Variants in PLCL2 observed in about 807,000 individuals in gnomAD.
PLCL2 encodes inactive phospholipase C-like protein 2.
PLCL2 carries 4 observed loss-of-function variants against 79.6 expected under a neutral mutation model. That is an observed-to-expected ratio of 0.05 (90% CI 0.02 to 0.11). The LOEUF (loss-of-function observed/expected upper bound fraction) is 0.11. Among genes scored for constraint, PLCL2 ranks in the 10% least tolerant of loss-of-function variants. PLCL2 has a pLI of 1.00. For missense variants in PLCL2, 895 were observed against 1,291.0 expected (o/e 0.69, Z 4.70); for synonymous variants, 484 against 457.7 (o/e 1.06, Z -0.73).
intron 1 of PLCL2, among the ~76,000 whole-genome samples, chr3:16,917,235 G>A (rs770753489): frequency 1.1e-4 from 17 of 152,102 alleles, no homozygotes; most frequent in Non-Finnish European, 2.2e-4. Context: ...TGGGCTATCT[G>A]GTTACCTAAC....
intron 1 of PLCL2, among the ~76,000 whole-genome samples, chr3:16,963,584 A>G (rs1051332285): frequency 2.0e-5 from 3 of 152,164 alleles, no homozygotes; most frequent in African/African-American, 7.2e-5. Context: ...TCATTTTCTC[A>G]TCCTTGTGAC....
intron 1 of PLCL2, among the ~76,000 whole-genome samples, chr3:16,910,989 C>T (rs749281057): frequency 6.6e-6 from 1 of 152,124 alleles, no homozygotes; most frequent in Non-Finnish European, 1.5e-5. Context: ...CACGGTGGCT[C>T]ACCCTGTAAT....
At chr3:17,076,234 T>C (rs980890778) in intron 5 of PLCL2, among the ~76,000 whole-genome samples, 7 of 152,142 alleles carry the variant, frequency 4.6e-5, no homozygotes, top group Non-Finnish European at 8.8e-5. Flanking sequence ...CATCTTTGTG[T>C]GTACGTGAGT....
At chr3:16,998,077 C>T (rs2064172013) in intron 1 of PLCL2, among the ~76,000 whole-genome samples, 1 of 152,014 alleles carries the variant, frequency 6.6e-6, no homozygotes, top group South Asian at 2.1e-4. Context: ...ATAGCTTTGC[C>T]CCTGCATGCT....
At chr3:17,050,922 A>G (rs76077952) in intron 4 of PLCL2, among the ~76,000 whole-genome samples, 2,237 of 152,334 alleles carry the variant, frequency 0.015, 71 homozygotes, top group African/African-American at 0.051. Flanking sequence ...TTGAATGGAT[A>G]TTGTGTGTGA....
rs17853613 is a variant in PLCL2, at chr3:17,012,015, A to G, written c.2669A>G (p.His890Arg). 5.0e-6 allele frequency: 8 copies of G among 1,614,220 alleles called. No individual in the cohort carries two copies. Among genetic ancestry groups the G allele is most frequent in the Non-Finnish European group, 6.8e-6 (8 of 1,180,018 alleles). ...ITNRRGGGKP[H>R]KRGLSVRKGK... ...AACCGAAGAGGAGGAGGAAAGCCTC[A>G]TAAAAGGGGCCTTTCTGTGAGAAAA... Residue 890 changes from histidine to arginine, a missense_variant, in exon 2 of 6, where the codon CAT (histidine) becomes CGT (arginine). Transcript: ENST00000615277.
At chr3:16,893,752 A>AT (rs1451952348) in intron 1 of PLCL2, among the ~76,000 whole-genome samples, 1 of 152,156 alleles carries the variant, frequency 6.6e-6, no homozygotes, top group Admixed American at 6.5e-5. Flanking sequence ...AAAAATAGCT[A>AT]TTTTTTGTGA....
At chr3:16,982,470 G>A (rs144325077) in intron 1 of PLCL2, among the ~76,000 whole-genome samples, 1,658 of 152,266 alleles carry the variant, frequency 0.011, 30 homozygotes, top group Admixed American at 0.046. Context: ...ATCAAATCCC[G>A]TTAATACAGC....
intron 1 of PLCL2, among the ~76,000 whole-genome samples, chr3:16,926,235 A>G (rs1407255942): frequency 2.2e-4 from 34 of 152,246 alleles, no homozygotes; most frequent in Admixed American, 2.2e-3. Flanking sequence ...CTCTCAAACA[A>G]ACAAAAAAAG....
chr3:16,899,714 G>A (rs1337337825), intron 1 of PLCL2, among the ~76,000 whole-genome samples: 2 of 152,048 alleles, frequency 1.3e-5, no homozygotes, highest in African/African-American at 4.8e-5. Context: ...ATCTTGGGAA[G>A]AGCTCTTGGT....
At chr3:17,084,423 A>T (rs2065195086) in intron 5 of PLCL2, among the ~76,000 whole-genome samples, 1 of 152,192 alleles carries the variant, frequency 6.6e-6, no homozygotes, top group African/African-American at 2.4e-5. Context: ...ATACTTCCTA[A>T]CTCATTCTAC....
chr3:17,087,644 G>A (rs2065234085), intron 5 of PLCL2, among the ~76,000 whole-genome samples: 1 of 152,118 alleles, frequency 6.6e-6, no homozygotes, highest in Non-Finnish European at 1.5e-5. Context: ...CCCTAATTTA[G>A]GCAATAGACT....
At chr3:17,054,181 T>A (rs1238370556) in intron 4 of PLCL2, among the ~76,000 whole-genome samples, 2 of 152,148 alleles carry the variant, frequency 1.3e-5, no homozygotes, top group Non-Finnish European at 2.9e-5. Context: ...ACTCTCAAGT[T>A]CAAGGTTCCA....
chr3:16,899,211 A>C (rs1269074515), intron 1 of PLCL2, among the ~76,000 whole-genome samples: 1 of 152,230 alleles, frequency 6.6e-6, no homozygotes, highest in East Asian at 1.9e-4. Context: ...TGTGGAAACA[A>C]CACCAGCAGA....
At chr3:17,019,484 C>G (rs1306052632) in intron 3 of PLCL2, among the ~76,000 whole-genome samples, 1 of 152,120 alleles carries the variant, frequency 6.6e-6, no homozygotes, top group Non-Finnish European at 1.5e-5. Flanking sequence ...TTTTTTTCTG[C>G]AATCCAGATC....
At chr3:17,072,514 C>T (rs189265271) in intron 5 of PLCL2, among the ~76,000 whole-genome samples, 182 of 151,970 alleles carry the variant, frequency 1.2e-3, no homozygotes, top group Admixed American at 0.011. Flanking sequence ...ACTGAAAATA[C>T]AAAAATTAGT....
At chr3:17,001,374 A>G (rs904200505) in intron 1 of PLCL2, among the ~76,000 whole-genome samples, 4 of 151,876 alleles carry the variant, frequency 2.6e-5, no homozygotes, top group Non-Finnish European at 5.9e-5. Context: ...ATGTAATCCC[A>G]TTTATTTATT....
chr3:16,948,246 A>T (rs1395335160), intron 1 of PLCL2, among the ~76,000 whole-genome samples: 1 of 152,174 alleles, frequency 6.6e-6, no homozygotes, highest in Non-Finnish European at 1.5e-5. Context: ...TATGCTAAGT[A>T]AAAGAAGCCA....
At position 17,084,627 on chromosome 3, in the gene PLCL2, T is replaced by C. The variant is rs373977461; in HGVS notation, c.3205-5106T>C. 1.3e-4 allele frequency among the ~76,000 whole-genome samples: 20 copies of C among 152,360 alleles called. No homozygotes were observed. In the East Asian group the frequency reaches 2.3e-3, roughly 18 times the overall value. ...GGGTATACAAGGTTGATTTAACTTT[T>C]GAAAATCAACTAATGTCATTCATCA... On this transcript the variant is annotated intron_variant, in intron 5 of 5. Coordinates refer to ENST00000615277, the MANE Select transcript of PLCL2 (RefSeq NM_001144382.2).
Sources: gnomAD v4.1 joint callset for allele counts (sites outside exome capture counted in the v4.1 genomes callset) on GRCh38, gnomAD v4.1.1 for gene constraint, MANE v1.5 for transcripts, NCBI Gene and HGNC (gene_info 2026-07-23, HGNC 2026-07-21) for gene names.